Variants in ADGRE3 observed in about 807,000 individuals in gnomAD.
ADGRE3 encodes the protein adhesion G protein-coupled receptor E3.
ADGRE3 carries 88 observed loss-of-function variants against 80.1 expected under a neutral mutation model. That is an observed-to-expected ratio of 1.10 (90% CI 0.93 to 1.31). ADGRE3 has a LOEUF of 1.31. Ranked by LOEUF, ADGRE3 falls within the 40% of genes most tolerant of loss-of-function variation. ADGRE3 has a pLI of 0.00. For missense variants in ADGRE3, 715 were observed against 776.5 expected (o/e 0.92, Z 0.94); for synonymous variants, 281 against 294.8 (o/e 0.95, Z 0.48).
At chr19:14,603,831 A>G in the ADGRE3 span, among the ~76,000 whole-genome samples, 1 of 152,124 alleles carries the variant, frequency 6.6e-6, no homozygotes, top group Non-Finnish European at 1.5e-5. Context: ...TGTGCTGGAG[A>G]CTATTCTACA....
chr19:14,663,577 G>A (rs1972014767), intron 2 of ADGRE3, 37 bp from the exon 3 acceptor site: 2 of 1,596,420 alleles, frequency 1.3e-6, no homozygotes, highest in South Asian at 2.2e-5. Context: ...ATGGACTGGG[G>A]TCACAAACTC....
Position 14,638,165 on chromosome 19 carries a change from G to A in ADGRE3, c.1424C>T (p.Pro475Leu). The change falls in exon 11 of 16, where the codon CCC (proline) becomes CTC (leucine). Residue 475 changes from proline to leucine, a missense_variant. Pro to Leu is a moderately conservative substitution (Grantham distance 98). Coordinates refer to ENST00000253673, the MANE Select transcript of ADGRE3 (RefSeq NM_032571.5). ...TGCAGAAATGGCCACAGTCACAGCG[G>A]GAACGCCATAGCCGACTGGGAACAT... ...WIMFPVGYGV[P>L]AVTVAISAAS... 1 of 1,614,108 alleles carries A rather than the reference G, an allele frequency of 6.2e-7. No homozygotes were observed. The highest frequency in any genetic ancestry group is 8.5e-7 in the Non-Finnish European group (1 of 1,180,008).
intron 10 of ADGRE3, among the ~76,000 whole-genome samples, chr19:14,639,104 C>A (rs926345908): frequency 1.3e-5 from 2 of 151,966 alleles, no homozygotes; most frequent in Non-Finnish European, 2.9e-5. Context: ...GTTGCCCAGG[C>A]CAGTCTCCAA....
At chr19:14,606,460 A>G in the ADGRE3 span, among the ~76,000 whole-genome samples, 1 of 152,050 alleles carries the variant, frequency 6.6e-6, no homozygotes, top group East Asian at 1.9e-4. Flanking sequence ...AGGTGAATCA[A>G]CTGAGGTCAG....
chr19:14,607,149 C>A, the ADGRE3 span: 1 of 923,894 alleles, frequency 1.1e-6, no homozygotes, highest in Non-Finnish European at 1.4e-6. Flanking sequence ...TCTGTGGGCC[C>A]TGACCATGGG....
intron 2 of ADGRE3, among the ~76,000 whole-genome samples, chr19:14,665,957 T>TAC: frequency 8.1e-6 from 1 of 123,516 alleles, no homozygotes; most frequent in East Asian, 2.7e-4. Context: ...TATATATATA[T>TAC]ATATATATAT....
intron 2 of ADGRE3, among the ~76,000 whole-genome samples, chr19:14,665,937 T>TATATATATGCATACATATATATAC (rs1491540091): frequency 5.0e-5 from 1 of 19,964 alleles, no homozygotes; most frequent in African/African-American, 1.6e-4. Flanking sequence ...CACATATGTG[T>TATATATATGCATACATATATATAC]ATATATATAT....
chr19:14,636,163 T>TTCCTTCCTTCC (rs1178305987), intron 11 of ADGRE3, among the ~76,000 whole-genome samples: 1 of 80,112 alleles, frequency 1.2e-5, no homozygotes, highest in Non-Finnish European at 2.4e-5. Context: ...CCTTTCCTCC[T>TTCCTTCCTTCC]TTCCTTTCCT....
In ADGRE3 at chr19:14,663,502, T is replaced by C. The variant is rs531684260; in HGVS notation, c.115A>G (p.Asn39Asp). The C allele has an allele frequency of 2.5e-6, 4 of 1,613,496 alleles. No homozygotes were observed. The highest frequency in any genetic ancestry group is 2.7e-5 in the African/African-American group (2 of 74,986). The change falls in exon 3 of 16, where the codon AAT becomes GAT. Residue 39 changes from asparagine (N) to aspartate (D), a missense_variant. Physicochemically the swap from Asn to Asp is conservative, Grantham distance 23 (BLOSUM62 1). Coordinates refer to ENST00000253673, the MANE Select transcript of ADGRE3 (RefSeq NM_032571.5). ...TGGTTGCAGGTGCAGTGAGTGTTAT[T>C]GACACAGGAAGCATTTGGGGGGCAC... is the stretch of plus-strand genomic sequence containing the variant. ...AKCPPNASCV[N>D]NTHCTCNHGY... is the part of the protein sequence containing the mutation.
chr19:14,674,097 A>C (rs1972325440), intron 1 of ADGRE3, among the ~76,000 whole-genome samples: 1 of 152,192 alleles, frequency 6.6e-6, no homozygotes, highest in African/African-American at 2.4e-5. Context: ...AGAAGAAAGA[A>C]TAGCAAGAGA....
At chr19:14,649,062 T>G (rs772303182) in intron 7 of ADGRE3, among the ~76,000 whole-genome samples, 6 of 147,794 alleles carry the variant, frequency 4.1e-5, no homozygotes, top group African/African-American at 1.5e-4. Flanking sequence ...ATCTCTCTAA[T>G]TCCATCTCTC....
At chr19:14,630,268 T>C in intron 13 of ADGRE3, 61 bp from the exon 14 acceptor site, 1 of 1,400,230 alleles carries the variant, frequency 7.1e-7, no homozygotes, top group Non-Finnish European at 9.6e-7. Context: ...TGAACACCCC[T>C]CTAGTTAGCT....
intron 11 of ADGRE3, among the ~76,000 whole-genome samples, chr19:14,633,598 G>A (rs1035809787): frequency 5.3e-5 from 8 of 151,678 alleles, no homozygotes; most frequent in East Asian, 2.0e-4. Context: ...CCAGCTATTC[G>A]GGAGGCTGAG....
chr19:14,654,535 GA>G (rs1316132961), intron 6 of ADGRE3, among the ~76,000 whole-genome samples: 1 of 152,108 alleles, frequency 6.6e-6, no homozygotes, highest in African/African-American at 2.4e-5. Context: ...AAAGTGCTGG[GA>G]ATACAGTCGT....
At chr19:14,650,875 C>T (rs1458535956) in intron 7 of ADGRE3, among the ~76,000 whole-genome samples, 1 of 152,140 alleles carries the variant, frequency 6.6e-6, no homozygotes, top group Non-Finnish European at 1.5e-5. Flanking sequence ...CCCCCACCAT[C>T]CCAAATTGCA....
chr19:14,655,210 G>C (rs369295077), intron 5 of ADGRE3, 45 bp from the exon 6 acceptor site: 1 of 1,540,914 alleles, frequency 6.5e-7, no homozygotes, highest in Non-Finnish European at 8.8e-7. Flanking sequence ...ATGTAATCTG[G>C]TAAGTCCCAT....
At chr19:14,611,226 C>T in the ADGRE3 span, 2 of 152,080 alleles carry the variant, frequency 1.3e-5, no homozygotes, top group Non-Finnish European at 1.5e-5. Flanking sequence ...CTGCTTCCTT[C>T]CTGGTCTCAA....
the ADGRE3 span, among the ~76,000 whole-genome samples, chr19:14,605,331 G>T: frequency 6.6e-6 from 1 of 151,844 alleles, no homozygotes; most frequent in Non-Finnish European, 1.5e-5. Flanking sequence ...CCTGACCTCA[G>T]GTGATCCACC....
chr19:14,605,540 C>T, the ADGRE3 span, among the ~76,000 whole-genome samples: 1 of 152,110 alleles, frequency 6.6e-6, no homozygotes, highest in Non-Finnish European at 1.5e-5. Flanking sequence ...TCAAACTAAC[C>T]AATATTTATA....
Sources: gnomAD v4.1 joint callset for allele counts (sites outside exome capture counted in the v4.1 genomes callset) on GRCh38, gnomAD v4.1.1 for gene constraint, MANE v1.5 for transcripts, NCBI Gene and HGNC (gene_info 2026-07-23, HGNC 2026-07-21) for gene names.